Variants in NCKAP5 observed in about 807,000 individuals in gnomAD.
The protein encoded by NCKAP5 is NCK associated protein 5, also known as nck-associated protein 5.
NCKAP5 carries 92 observed loss-of-function variants against 167.0 expected under a neutral mutation model. The observed-to-expected ratio is 0.55, with a 90% CI of 0.47 to 0.66. The LOEUF (loss-of-function observed/expected upper bound fraction) is 0.66, where lower values mean the gene tolerates loss of function less well. NCKAP5 is among the 30% of genes least tolerant of loss of function. The probability of loss-of-function intolerance (pLI) is 0.00; values close to 1 mark genes in which losing one functional copy is unlikely to be tolerated. For missense variants in NCKAP5, 2,378 were observed against 2,315.0 expected (o/e 1.03, Z -0.56); for synonymous variants, 891 against 877.4 (o/e 1.02, Z -0.27).
At chr2:133,361,533 C>A (rs150110200) in intron 3 of NCKAP5, among the ~76,000 whole-genome samples, 1 of 152,172 alleles carries the variant, frequency 6.6e-6, no homozygotes, top group Non-Finnish European at 1.5e-5. Context: ...CTGAATACTG[C>A]CATGTGGTCC....
intron 16 of NCKAP5, among the ~76,000 whole-genome samples, chr2:132,737,206 C>T (rs1691609250): frequency 6.6e-6 from 1 of 152,170 alleles, no homozygotes; most frequent in African/African-American, 2.4e-5. Flanking sequence ...TCTCGGTACA[C>T]CTGGAACCCA....
intron 12 of NCKAP5, among the ~76,000 whole-genome samples, chr2:132,793,967 G>A (rs1301947122): frequency 2.6e-5 from 4 of 151,832 alleles, no homozygotes; most frequent in Non-Finnish European, 5.9e-5. Context: ...ATCTACTGCA[G>A]TAAATAACTG....
intron 12 of NCKAP5, among the ~76,000 whole-genome samples, chr2:132,796,166 C>A (rs1451067839): frequency 6.6e-6 from 1 of 152,110 alleles, no homozygotes; most frequent in African/African-American, 2.4e-5. Flanking sequence ...TTTCAAGTTA[C>A]TCTTTTTATG....
chr2:133,446,183 C>T (rs185311435), intron 3 of NCKAP5, among the ~76,000 whole-genome samples: 231 of 152,112 alleles, frequency 1.5e-3, no homozygotes, highest in African/African-American at 5.2e-3. Context: ...ATGAGAAACG[C>T]AATAATTAGA....
At chr2:132,735,178 T>A (rs554353185) in intron 16 of NCKAP5, among the ~76,000 whole-genome samples, 2 of 152,148 alleles carry the variant, frequency 1.3e-5, no homozygotes, top group Non-Finnish European at 2.9e-5. Context: ...CTCGCCAGGA[T>A]TTTTTTTAGA....
chr2:133,385,829 T>A (rs1224495340), intron 3 of NCKAP5, among the ~76,000 whole-genome samples: 1 of 152,218 alleles, frequency 6.6e-6, no homozygotes, highest in Non-Finnish European at 1.5e-5. Context: ...TCTAGTTTAT[T>A]TGCATAGAGG....
At chr2:133,266,655 G>T (rs2089243161) in intron 4 of NCKAP5, among the ~76,000 whole-genome samples, 1 of 152,176 alleles carries the variant, frequency 6.6e-6, no homozygotes, top group Admixed American at 6.5e-5. Context: ...GCCATGTCCA[G>T]AGCGCGGAGG....
intron 6 of NCKAP5, among the ~76,000 whole-genome samples, chr2:133,014,425 CA>C (rs2078265385): frequency 6.6e-6 from 1 of 152,210 alleles, no homozygotes; most frequent in African/African-American, 2.4e-5. Context: ...TCTCCATCTC[CA>C]AATGGATTCC....
chr2:132,918,232 T>G (rs1695034173), intron 8 of NCKAP5, among the ~76,000 whole-genome samples: 1 of 152,234 alleles, frequency 6.6e-6, no homozygotes, highest in Non-Finnish European at 1.5e-5. Context: ...GGTACCATTT[T>G]CTTCCTGATG....
intron 3 of NCKAP5, among the ~76,000 whole-genome samples, chr2:133,355,598 C>T (rs1684655205): frequency 6.6e-6 from 1 of 152,032 alleles, no homozygotes; most frequent in African/African-American, 2.4e-5. Context: ...TTATTGCCAA[C>T]CTTTTTTTTT....
At chr2:133,116,684 A>T (rs968854462) in intron 6 of NCKAP5, among the ~76,000 whole-genome samples, 1 of 152,150 alleles carries the variant, frequency 6.6e-6, no homozygotes, top group African/African-American at 2.4e-5. Flanking sequence ...ATTTTTGAGA[A>T]GCTTAACATA....
chr2:132,781,130 G>A lies in NCKAP5; in HGVS notation c.4971C>T (p.Gly1657=), dbSNP rs61742426. ...GGTTTCCTTGAGTACTGATAGAGCTGCCGATGAGACAGGAGCCCTGAGAAC... is the reference window on the plus strand; with the variant it reads ...GGTTTCCTTGAGTACTGATAGAGCTACCGATGAGACAGGAGCCCTGAGAAC... ...KGSSQGSCLI[G]SSISTQGNHK... Residue 1657 remains glycine (G), a synonymous_variant, in exon 15 of 20, where the codon GGC becomes GGT. Transcript: ENST00000409261. The A allele has an allele frequency of 6.5e-3, 10,428 of 1,613,872 alleles. 51 individuals are homozygous for A. The highest frequency in any genetic ancestry group is 7.9e-3 in the Non-Finnish European group (9,281 of 1,179,860).
chr2:132,672,658 CTT>C lies in NCKAP5; in HGVS notation c.*629_*630del, dbSNP rs1192987671. ...TATATATTATCATCAACTTCTAAGA[CTT>C]AGTACATTATTTCAAGAGCATGGCA... is the stretch of plus-strand genomic sequence containing the variant. On this transcript the variant is annotated 3_prime_UTR_variant, in exon 20 of 20. Transcript: ENST00000409261. 6.6e-6 allele frequency: 1 copy of C among 152,602 alleles called. No individual in the cohort carries two copies. The highest frequency in any genetic ancestry group is 1.5e-5 in the Non-Finnish European group (1 of 68,076). The allele number at this position is 152,602 out of a possible 1,614,324, so 9.5% of individuals were successfully genotyped here.
chr2:133,190,873 T>G (rs930647781), intron 5 of NCKAP5, among the ~76,000 whole-genome samples: 4 of 152,086 alleles, frequency 2.6e-5, no homozygotes, highest in Admixed American at 6.6e-5. Context: ...AAGGACTTCA[T>G]GACTAAAAAA....
intron 5 of NCKAP5, among the ~76,000 whole-genome samples, chr2:133,132,363 T>C (rs2082634227): frequency 6.6e-6 from 1 of 151,204 alleles, no homozygotes; most frequent in Non-Finnish European, 1.5e-5. Context: ...GAATGCTCCA[T>C]AGATTCACTC....
intron 5 of NCKAP5, among the ~76,000 whole-genome samples, chr2:133,189,808 GC>G (rs1388840334): frequency 6.6e-6 from 1 of 152,132 alleles, no homozygotes; most frequent in Non-Finnish European, 1.5e-5. Flanking sequence ...CAAACCCACA[GC>G]CAATATCATC....
intron 11 of NCKAP5, among the ~76,000 whole-genome samples, chr2:132,806,374 A>C (rs573161775): frequency 6.6e-6 from 1 of 152,114 alleles, no homozygotes; most frequent in Non-Finnish European, 1.5e-5. Flanking sequence ...TGGTTGTACT[A>C]GTTTACATTC....
At chr2:133,396,166 T>C (rs549035387) in intron 3 of NCKAP5, among the ~76,000 whole-genome samples, 3 of 152,188 alleles carry the variant, frequency 2.0e-5, no homozygotes, top group East Asian at 3.9e-4. Context: ...TAAAGTTCAA[T>C]GAACGTTGTC....
intron 2 of NCKAP5, among the ~76,000 whole-genome samples, chr2:133,553,541 C>T (rs1045962359): frequency 9.2e-5 from 14 of 152,198 alleles, no homozygotes; most frequent in Non-Finnish European, 1.5e-4. Flanking sequence ...TGAAGCAGGG[C>T]CTCTAAGGTT....
Sources: allele counts gnomAD v4.1 joint callset (sites outside exome capture counted in the v4.1 genomes callset), GRCh38; gene constraint gnomAD v4.1.1; transcripts MANE v1.5; gene names NCBI Gene and HGNC (gene_info 2026-07-23, HGNC 2026-07-21).